The following ZNF385D variants were observed in gnomAD, a reference collection of about 807,000 sequenced individuals.
ZNF385D encodes zinc finger protein 385D, also known as zinc finger protein 659.
ZNF385D carries 15 observed loss-of-function variants against 35.8 expected under a neutral mutation model. The ratio of observed to expected loss-of-function variants is 0.42; its 90% confidence interval spans 0.28 to 0.64. The LOEUF (loss-of-function observed/expected upper bound fraction) is 0.64, where lower values mean the gene tolerates loss of function less well. Among genes scored for constraint, ZNF385D ranks in the 30% least tolerant of loss-of-function variants. ZNF385D has a pLI of 0.23. For synonymous variants in ZNF385D, 212 were observed against 186.8 expected (o/e 1.13, Z -1.10); for missense variants, 474 against 494.6 (o/e 0.96, Z 0.39).
At chr3:21,898,004 G>C (rs78662345) in intron 3 of ZNF385D, among the ~76,000 whole-genome samples, 2,029 of 151,964 alleles carry the variant, frequency 0.013, 28 homozygotes, top group Middle Eastern at 0.031. Context: ...TATCCACCTA[G>C]AGGTTTATTT....
At chr3:21,625,846 G>C (rs1289508843) in intron 2 of ZNF385D, among the ~76,000 whole-genome samples, 1 of 152,052 alleles carries the variant, frequency 6.6e-6, no homozygotes, top group Admixed American at 6.6e-5. Flanking sequence ...TATCATCACA[G>C]AAAGTTCTAT....
At chr3:21,876,117 A>T (rs543303268) in intron 3 of ZNF385D, among the ~76,000 whole-genome samples, 1 of 152,146 alleles carries the variant, frequency 6.6e-6, no homozygotes, top group Non-Finnish European at 1.5e-5. Context: ...TTAAGCTGTG[A>T]TATCAGGAAT....
At chr3:21,981,282 T>C (rs980777744) in intron 3 of ZNF385D, among the ~76,000 whole-genome samples, 9 of 152,204 alleles carry the variant, frequency 5.9e-5, no homozygotes, top group Admixed American at 5.9e-4. Flanking sequence ...AGATGGTAAC[T>C]CATTGTGGTT....
intron 3 of ZNF385D, among the ~76,000 whole-genome samples, chr3:21,883,394 C>G (rs780683713): frequency 1.3e-5 from 2 of 151,874 alleles, no homozygotes; most frequent in Non-Finnish European, 2.9e-5. Context: ...AAATGTCTCA[C>G]CAAATTGACT....
At chr3:21,915,118 A>G (rs1047607746) in intron 3 of ZNF385D, among the ~76,000 whole-genome samples, 2 of 151,804 alleles carry the variant, frequency 1.3e-5, no homozygotes, top group African/African-American at 4.8e-5. Flanking sequence ...CTTCTCTGTG[A>G]TTCAATTCAC....
chr3:22,064,591 G>A (rs1699838336), intron 3 of ZNF385D, among the ~76,000 whole-genome samples: 1 of 152,152 alleles, frequency 6.6e-6, no homozygotes, highest in South Asian at 2.1e-4. Flanking sequence ...ATCCACAATG[G>A]ATTGCTATTC....
At chr3:21,776,675 A>C (rs2071301927) in intron 3 of ZNF385D, among the ~76,000 whole-genome samples, 2 of 151,984 alleles carry the variant, frequency 1.3e-5, no homozygotes, top group Non-Finnish European at 2.9e-5. Context: ...GATTCTGGAA[A>C]TATAATGTCT....
chr3:22,230,265 A>G (rs931709806), intron 2 of ZNF385D, among the ~76,000 whole-genome samples: 1 of 152,174 alleles, frequency 6.6e-6, no homozygotes, highest in African/African-American at 2.4e-5. Context: ...CTGTATAATG[A>G]TATTTTACAA....
At chr3:21,988,840 C>T (rs966422512) in intron 3 of ZNF385D, among the ~76,000 whole-genome samples, 1 of 152,200 alleles carries the variant, frequency 6.6e-6, no homozygotes, top group Non-Finnish European at 1.5e-5. Flanking sequence ...GCGTAGGACC[C>T]TCCGAGCCAG....
At chr3:22,157,748 T>C (rs1402450787) in intron 3 of ZNF385D, among the ~76,000 whole-genome samples, 2 of 152,170 alleles carry the variant, frequency 1.3e-5, no homozygotes, top group East Asian at 3.9e-4. Flanking sequence ...TTGAAATTTA[T>C]GTACACATAT....
At chr3:22,300,697 T>C (rs1311944888) in intron 2 of ZNF385D, among the ~76,000 whole-genome samples, 1 of 151,928 alleles carries the variant, frequency 6.6e-6, no homozygotes, top group Admixed American at 6.6e-5. Context: ...ACGTTCAATA[T>C]CACTAATCAC....
intron 3 of ZNF385D, among the ~76,000 whole-genome samples, chr3:21,768,723 G>A (rs1339393406): frequency 6.6e-6 from 1 of 151,920 alleles, no homozygotes; most frequent in Non-Finnish European, 1.5e-5. Context: ...AGACCAAGAG[G>A]TGGGTAGTTA....
intron 2 of ZNF385D, among the ~76,000 whole-genome samples, chr3:21,661,129 A>G (rs2066226832): frequency 2.0e-5 from 3 of 152,216 alleles, no homozygotes; most frequent in Admixed American, 6.5e-5. Context: ...AGAGCTAGCA[A>G]CAGTCTTCTC....
intron 2 of ZNF385D, among the ~76,000 whole-genome samples, chr3:22,208,750 T>C (rs547327729): frequency 4.6e-5 from 7 of 151,848 alleles, no homozygotes; most frequent in African/African-American, 1.7e-4. Flanking sequence ...TTATTCAGTA[T>C]GCACAATACT....
At chr3:21,960,022 C>CAA (rs34894053) in intron 3 of ZNF385D, among the ~76,000 whole-genome samples, 4 of 114,622 alleles carry the variant, frequency 3.5e-5, no homozygotes, top group African/African-American at 1.0e-4. Context: ...GCACAGCCTC[C>CAA]AAAAAAAAAA....
Position 21,819,644 on chromosome 3 carries a change from ATAT to A in ZNF385D, c.326-154619_326-154617del, listed in dbSNP as rs550734682. ...TATGTATTATATAATTATATATTCT[ATAT>A]TATATATTTATGTGTATTAATTATA... On this transcript the variant is annotated intron_variant, in intron 3 of 5. Coordinates refer to the ZNF385D transcript ENST00000494108. 1.2e-4 allele frequency among the ~76,000 whole-genome samples: 17 copies of A among 146,810 alleles called. 1 individual carries two copies. The South Asian group carries it at 3.6e-3, about 31-fold the overall frequency.
At chr3:22,029,124 C>T (rs1278530336) in intron 3 of ZNF385D, among the ~76,000 whole-genome samples, 2 of 152,148 alleles carry the variant, frequency 1.3e-5, no homozygotes, top group Non-Finnish European at 2.9e-5. Flanking sequence ...CCAGGAGACA[C>T]AACAATTCCA....
At chr3:22,212,239 C>A (rs1697572316) in intron 2 of ZNF385D, among the ~76,000 whole-genome samples, 1 of 151,992 alleles carries the variant, frequency 6.6e-6, no homozygotes, top group South Asian at 2.1e-4. Context: ...GCTGCCTCAT[C>A]CCACCTCCTT....
At chr3:22,295,013 C>T (rs7645253) in intron 2 of ZNF385D, among the ~76,000 whole-genome samples, 5 of 151,924 alleles carry the variant, frequency 3.3e-5, no homozygotes, top group African/African-American at 9.7e-5. Flanking sequence ...ATGTTTCACT[C>T]TAGGATTATA....
Sources: allele counts gnomAD v4.1 joint callset (sites outside exome capture counted in the v4.1 genomes callset), GRCh38; gene constraint gnomAD v4.1.1; transcripts MANE v1.5; gene names NCBI Gene and HGNC (gene_info 2026-07-23, HGNC 2026-07-21).